The following KCNK1 variants were observed in gnomAD, a reference collection of about 807,000 sequenced individuals.
The protein encoded by KCNK1 is potassium two pore domain channel subfamily K member 1, also known as potassium channel subfamily K member 1.
A neutral mutation model predicts 22.2 loss-of-function variants in KCNK1; 10 were observed. The ratio of observed to expected loss-of-function variants is 0.45; its 90% CI spans 0.28 to 0.76. The LOEUF (loss-of-function observed/expected upper bound fraction) is 0.76. KCNK1 is among the 30% of genes least tolerant of loss of function. The pLI, the probability that KCNK1 is intolerant of heterozygous loss-of-function variation, is 0.14. For synonymous variants in KCNK1, 200 were observed against 186.4 expected (o/e 1.07, Z -0.60); for missense variants, 378 against 421.0 (o/e 0.90, Z 0.89).
intron 1 of KCNK1, chr1:233,631,600 A>C (rs1483749579): frequency 1.9e-5 from 5 of 259,092 alleles, no homozygotes; most frequent in African/African-American, 4.6e-5. Context: ...CATCATCTCT[A>C]CTCTGCAAGT....
intron 1 of KCNK1, among the ~76,000 whole-genome samples, chr1:233,657,253 G>A (rs573311507): frequency 7.2e-5 from 11 of 152,178 alleles, no homozygotes; most frequent in South Asian, 4.2e-4. Context: ...CACAACCCCC[G>A]CAGCCAAGGC....
chr1:233,667,460 G>A (rs1197729323), intron 2 of KCNK1, among the ~76,000 whole-genome samples: 1 of 152,146 alleles, frequency 6.6e-6, no homozygotes, highest in Non-Finnish European at 1.5e-5. Flanking sequence ...GCCGGGCGCG[G>A]TGGCTCACGC....
At chr1:233,638,055 T>C (rs1215657016) in intron 1 of KCNK1, among the ~76,000 whole-genome samples, 1 of 152,106 alleles carries the variant, frequency 6.6e-6, no homozygotes, top group Admixed American at 6.5e-5. Context: ...ATTTTTGTTA[T>C]GTTGTTTATC....
Position 233,671,716 on chromosome 1 carries a change from G to A in KCNK1, c.*186G>A. The A allele has an allele frequency of 1.5e-6, 1 of 671,394 alleles. No individual in the cohort carries two copies. The highest frequency in any genetic ancestry group is 2.5e-6 in the Non-Finnish European group (1 of 405,652). 41.6% of individuals were successfully genotyped at this position (671,394 alleles called of 1,614,324 possible). Reference sequence around the variant, plus strand: ...ATGGAACAAAGAAGCTGTGACCCCAGCAGGATGTCTAATATGTGAGGAAAT... The same window carrying A: ...ATGGAACAAAGAAGCTGTGACCCCAACAGGATGTCTAATATGTGAGGAAAT... On this transcript the variant is annotated 3_prime_UTR_variant, in exon 3 of 3. Transcript: ENST00000366621.
rs184872853 is a variant in KCNK1 at position 233,647,494 on chromosome 1, G to A, written c.356-19101G>A. Among the ~76,000 whole-genome samples the A allele has an allele frequency of 1.8e-3, 274 of 152,338 alleles. 1 individual carries two copies. The highest frequency in any genetic ancestry group is 3.5e-3 in the Admixed American group (53 of 15,308). On this transcript the variant is annotated intron_variant, in intron 1 of 2. Transcript: ENST00000366621. ...AGAGGAGGGCACAGGAGCCATGGCT[G>A]TGGATTGGAGAGTTTCTGCCCTTTA...
intron 1 of KCNK1, among the ~76,000 whole-genome samples, chr1:233,663,930 C>A (rs1303775538): frequency 2.0e-5 from 3 of 152,054 alleles, no homozygotes; most frequent in African/African-American, 7.2e-5. Context: ...CTCACGGGTT[C>A]AAACAATTCT....
intron 1 of KCNK1, among the ~76,000 whole-genome samples, chr1:233,637,089 G>C (rs1033691480): frequency 1.3e-5 from 2 of 151,802 alleles, no homozygotes; most frequent in Admixed American, 6.6e-5. Context: ...CCAGCTACTT[G>C]GGAGGCTGAG....
chr1:233,625,433 C>T (rs1657672458), intron 1 of KCNK1, among the ~76,000 whole-genome samples: 1 of 152,078 alleles, frequency 6.6e-6, no homozygotes, highest in Non-Finnish European at 1.5e-5. Context: ...GGGTTCTGGT[C>T]TCTAGGATCC....
intron 1 of KCNK1, among the ~76,000 whole-genome samples, chr1:233,645,319 G>A (rs899791977): frequency 6.6e-6 from 1 of 152,172 alleles, no homozygotes; most frequent in African/African-American, 2.4e-5. Context: ...AACTGTGAAT[G>A]TGGCCTTCTT....
In KCNK1 at chr1:233,617,791, T is replaced by C. The variant is rs138153130; in HGVS notation, c.355+3265T>C. Among the ~76,000 whole-genome samples, 607 of 152,242 alleles carry C rather than the reference T, an allele frequency of 4.0e-3. 2 individuals carry two copies. The highest frequency in any genetic ancestry group is 8.5e-3 in the South Asian group (41 of 4,822). On this transcript the variant is annotated intron_variant, in intron 1 of 2. Transcript: ENST00000366621. ...TCATCTCTACTAAAAGTTAACAAAA[T>C]TAGCCCGGAGTGATGGCGTGTGCCT...
intron 1 of KCNK1, among the ~76,000 whole-genome samples, chr1:233,619,678 G>A (rs1259346654): frequency 2.6e-5 from 4 of 151,996 alleles, no homozygotes; most frequent in Non-Finnish European, 5.9e-5. Context: ...TTGGGAAGCC[G>A]AGGCAGGTGG....
At chr1:233,652,923 G>T (rs1033252473) in intron 1 of KCNK1, among the ~76,000 whole-genome samples, 3 of 152,118 alleles carry the variant, frequency 2.0e-5, no homozygotes, top group Non-Finnish European at 4.4e-5. Context: ...GACACTGAAG[G>T]AACTGCCCTT....
chr1:233,620,344 T>C (rs1189819336), intron 1 of KCNK1, among the ~76,000 whole-genome samples: 2 of 152,340 alleles, frequency 1.3e-5, no homozygotes, highest in African/African-American at 4.8e-5. Flanking sequence ...TATTTCACTT[T>C]CTTCTGGGAA....
At chr1:233,633,891 C>T (rs976669051) in intron 1 of KCNK1, among the ~76,000 whole-genome samples, 7 of 152,026 alleles carry the variant, frequency 4.6e-5, no homozygotes, top group African/African-American at 1.2e-4. Context: ...GTCACACATC[C>T]GCAACACAGC....
intron 1 of KCNK1, among the ~76,000 whole-genome samples, chr1:233,664,788 A>G (rs1002247451): frequency 1.3e-5 from 2 of 152,252 alleles, no homozygotes; most frequent in African/African-American, 2.4e-5. Flanking sequence ...GGGATTTGCA[A>G]CTAAGGAGTT....
intron 1 of KCNK1, chr1:233,660,600 T>C (rs1480164186): frequency 2.0e-5 from 3 of 152,256 alleles, no homozygotes; most frequent in African/African-American, 7.2e-5. Flanking sequence ...ATAGATGTTT[T>C]GCTGACCCAC....
At chr1:233,643,566 G>A (rs1658039065) in intron 1 of KCNK1, among the ~76,000 whole-genome samples, 1 of 152,144 alleles carries the variant, frequency 6.6e-6, no homozygotes, top group South Asian at 2.1e-4. Context: ...GTTTCCTGTT[G>A]TTTCCTATTT....
chr1:233,615,870 G>A (rs1657481387), intron 1 of KCNK1, among the ~76,000 whole-genome samples: 3 of 152,056 alleles, frequency 2.0e-5, no homozygotes, highest in African/African-American at 7.2e-5. Context: ...AGAGGTCTGG[G>A]GTGAATTACT....
At chr1:233,636,790 A>T (rs1657905895) in intron 1 of KCNK1, among the ~76,000 whole-genome samples, 1 of 148,800 alleles carries the variant, frequency 6.7e-6, no homozygotes, top group East Asian at 2.0e-4. Context: ...AGAGGTGGAG[A>T]GGCATTGAAG....
Sources: gnomAD v4.1 joint callset for allele counts (sites outside exome capture counted in the v4.1 genomes callset) on GRCh38, gnomAD v4.1.1 for gene constraint, MANE v1.5 for transcripts, NCBI Gene and HGNC (gene_info 2026-07-23, HGNC 2026-07-21) for gene names.